Variants in PXMP2 observed in about 807,000 individuals in gnomAD.
PXMP2 encodes the protein 22 kDa peroxisomal membrane protein.
In PXMP2, 13 loss-of-function variants were observed where a neutral mutation model predicts 20.2. That is an observed-to-expected ratio of 0.64 (90% CI 0.42 to 1.02). The LOEUF (loss-of-function observed/expected upper bound fraction) is 1.02. Ranked by LOEUF, PXMP2 falls within the 50% of genes least tolerant of loss-of-function variation. The pLI is 0.00. For missense variants in PXMP2, 284 were observed against 251.8 expected, an observed-to-expected ratio of 1.13 and a Z score of -0.87; for synonymous variants, 113 against 111.2, an observed-to-expected ratio of 1.02 and a Z score of -0.10.
chr12:132,704,589 C>G (rs370935470), intron 4 of PXMP2, 30 bp from the exon 5 acceptor site: 4 of 1,405,600 alleles, frequency 2.8e-6, no homozygotes, highest in Non-Finnish European at 3.7e-6. Context: ...TCCCGCTGAC[C>G]GTGGCCTGTT....
chr12:132,702,440 A>G, intron 4 of PXMP2: 1 of 377,274 alleles, frequency 2.7e-6, no homozygotes, highest in Non-Finnish European at 5.3e-6. Context: ...CAGGGTCCCC[A>G]GGACCACTCC....
At chr12:132,694,495 G>T (rs1205611605) in intron 2 of PXMP2, among the ~76,000 whole-genome samples, 6 of 81,128 alleles carry the variant, frequency 7.4e-5, no homozygotes, top group African/African-American at 1.2e-4. Context: ...GTTAGTGAGC[G>T]CCCTTGCCAG....
Position 132,701,216 on chromosome 12 carries a change from A to C in PXMP2, c.400-34A>C, listed in dbSNP as rs749771525. 1.2e-5 allele frequency: 20 copies of C among 1,612,686 alleles called. No individual in the cohort carries two copies. The African/African-American group carries it at 1.9e-4, about 15-fold the overall frequency. On this transcript the variant is annotated intron_variant, in intron 3 of 4. Coordinates refer to ENST00000317479, the MANE Select transcript of PXMP2 (RefSeq NM_018663.3). ...CGGAATTCAGTTCTGATGGGCAGTG[A>C]GACTGTTCACCACCCGCCTTCCCTC...
chr12:132,694,963 T>TGCCAGTTAGTTAGTGAGCTCCCTTA (rs1565991636), intron 2 of PXMP2, among the ~76,000 whole-genome samples: 1 of 56,282 alleles, frequency 1.8e-5, no homozygotes, highest in Non-Finnish European at 6.0e-5. Context: ...TGAGCTCCCT[T>TGCCAGTTAGTTAGTGAGCTCCCTTA]GCCAGTTAGT....
intron 1 of PXMP2, chr12:132,688,063 GA>G (rs2043321165): frequency 1.8e-5 from 4 of 219,956 alleles, no homozygotes; most frequent in South Asian, 1.8e-4. Flanking sequence ...TCCACCCAAG[GA>G]CCCAACAGGG....
Position 132,704,602 on chromosome 12 carries a change from A to G in PXMP2, c.520-17A>G, listed in dbSNP as rs1365373933. The stretch of plus-strand genomic sequence containing the variant: ...CCTCCCGCTGACCGTGGCCTGTTGG[A>G]CTGTTCTTTTCGGCAGTTCCGGGTG... On this transcript the variant is annotated splice_polypyrimidine_tract_variant and intron_variant, in intron 4 of 4. Coordinates refer to ENST00000317479, the MANE Select transcript of PXMP2 (RefSeq NM_018663.3). 7.0e-7 allele frequency: 1 copy of G among 1,431,772 alleles called. No individual in the cohort carries two copies. The highest frequency in any genetic ancestry group is 9.2e-7 in the Non-Finnish European group (1 of 1,086,396). The allele number at this position is 1,431,772 out of a possible 1,614,324, so 88.7% of individuals were successfully genotyped here.
At chr12:132,694,339 C>T (rs1364078389) in intron 2 of PXMP2, among the ~76,000 whole-genome samples, 11 of 83,828 alleles carry the variant, frequency 1.3e-4, no homozygotes, top group Non-Finnish European at 1.3e-4. Context: ...AGTTAGTGAG[C>T]GCCCTTGCCA....
At chr12:132,703,553 G>A (rs938111694) in intron 4 of PXMP2, among the ~76,000 whole-genome samples, 6 of 152,342 alleles carry the variant, frequency 3.9e-5, no homozygotes, top group African/African-American at 1.4e-4. Flanking sequence ...TGAGCGGACA[G>A]GAGAGTGGGA....
At chr12:132,689,328 GGAAGGTGTTTTGA>G (rs1565989248) in intron 1 of PXMP2, among the ~76,000 whole-genome samples, 3 of 152,286 alleles carry the variant, frequency 2.0e-5, no homozygotes, top group Admixed American at 2.0e-4. Flanking sequence ...ACACGGCCAG[GGAAGGTGTTTTGA>G]GAAGGTGACA....
At chr12:132,701,450 C>G (rs534119294) in intron 4 of PXMP2, 81 bp downstream of exon 4, 13 of 1,498,076 alleles carry the variant, frequency 8.7e-6, no homozygotes, top group African/African-American at 5.8e-5. Context: ...TTTCCTCCCC[C>G]CCTCCCTCCC....
chr12:132,696,102 A>G lies in PXMP2; in HGVS notation c.399+56A>G, dbSNP rs1593107135. The stretch of plus-strand genomic sequence containing the variant: ...TCTTCGTTTAGCACAGGGATTCTTC[A>G]CCTGACATTCTCGGCAGAATTCAGA... On this transcript the variant is annotated intron_variant, in intron 3 of 4. Coordinates refer to ENST00000317479, the MANE Select transcript of PXMP2 (RefSeq NM_018663.3). The surrounding 1 kb of genome is among the most constrained non-coding windows in gnomAD (Gnocchi z 4.4). 6.7e-7 allele frequency: 1 copy of G among 1,487,964 alleles called. No individual in the cohort carries two copies. Among genetic ancestry groups the G allele is most frequent in the Non-Finnish European group, 9.0e-7 (1 of 1,106,878 alleles). The allele number at this position is 1,487,964 out of a possible 1,614,324, so 92.2% of individuals were successfully genotyped here.
rs1402524508 is a variant in PXMP2, at chr12:132,695,930, G to T, written c.283G>T (p.Glu95Ter). The T allele has an allele frequency of 5.0e-6, 8 of 1,611,046 alleles. No individual in the cohort carries two copies. The highest frequency in any genetic ancestry group is 2.2e-5 in the South Asian group (2 of 89,992). Residue 95 changes from glutamate to a stop codon, truncating the protein, a stop_gained, in exon 3 of 5, where the codon GAA becomes TAA. Coordinates refer to ENST00000317479, the MANE Select transcript of PXMP2 (RefSeq NM_018663.3). LOFTEE classifies it high-confidence loss of function. Reference sequence around the variant, plus strand: ...GAGTCACTTCTTCTACTTCTTCATGGAACATTGGATCCCTCCTGAGGTCCC... The same window carrying T: ...GAGTCACTTCTTCTACTTCTTCATGTAACATTGGATCCCTCCTGAGGTCCC... ...PLSHFFYFFMEHWIPPEVPLA... is the reference protein window; with the variant it reads ...PLSHFFYFFM
chr12:132,701,241 C>G lies in PXMP2; in HGVS notation c.400-9C>G, dbSNP rs1208769126. ...AGACTGTTCACCACCCGCCTTCCCT[C>G]CTTTGCAGGGGAAAGACGCCTCAGC... is the stretch of plus-strand genomic sequence containing the variant. On this transcript the variant is annotated splice_polypyrimidine_tract_variant and intron_variant, in intron 3 of 4. Transcript: ENST00000317479. 2 of 1,613,758 alleles carry G rather than the reference C, an allele frequency of 1.2e-6. No homozygotes were observed. The highest frequency in any genetic ancestry group is 2.2e-5 in the South Asian group (2 of 91,058).
In PXMP2 at chr12:132,687,682, CGCGTCCAGGCT is replaced by C. The variant is rs1310265965; in HGVS notation, c.16_26del (p.Ser6GlyfsTer47). ...GCGCTGGGGAGGCGATGGCGCCGGCCGCGTCCAGGCTGCGGGCCGAAGCCGGGCTCGGGGCG... is the reference window on the plus strand; with the variant it reads ...GCGCTGGGGAGGCGATGGCGCCGGCCGCGGGCCGAAGCCGGGCTCGGGGCG... On this transcript the variant is annotated frameshift_variant, in exon 1 of 5. Transcript: ENST00000317479. LOFTEE classifies it high-confidence loss of function. 2.6e-6 allele frequency: 3 copies of C among 1,175,860 alleles called. No individual in the cohort carries two copies. The highest frequency in any genetic ancestry group is 9.4e-5 in the Admixed American group (2 of 21,178). The allele number at this position is 1,175,860 out of a possible 1,614,324, so 72.8% of individuals were successfully genotyped here. A position where few individuals can be genotyped will look rare whatever the true frequency, so the allele number is the denominator to read the frequency against.
chr12:132,699,462 T>C (rs989346156), intron 3 of PXMP2, among the ~76,000 whole-genome samples: 10 of 151,628 alleles, frequency 6.6e-5, no homozygotes, highest in African/African-American at 1.9e-4. Flanking sequence ...TGACTTTCCA[T>C]TGGTGAGTTG....
Position 132,704,919 on chromosome 12 carries a change from G to A in PXMP2, c.*232G>A, listed in dbSNP as rs2043462953. ...TGCCCCAGAAACTTAAAATTTAGTC[G>A]AGGCAGTTTCAATTGTTACTGTGGA... On this transcript the variant is annotated 3_prime_UTR_variant, in exon 5 of 5. Transcript: ENST00000317479. The A allele has an allele frequency of 3.7e-6, 2 of 545,172 alleles. No individual in the cohort carries two copies. The highest frequency in any genetic ancestry group is 3.5e-5 in the Admixed American group (1 of 28,236). 33.8% of individuals were successfully genotyped at this position (545,172 alleles called of 1,614,324 possible). A position where few individuals can be genotyped will look rare whatever the true frequency, so the allele number is the denominator to read the frequency against.
At chr12:132,697,334 AT>A (rs2043416013) in intron 3 of PXMP2, among the ~76,000 whole-genome samples, 1 of 151,148 alleles carries the variant, frequency 6.6e-6, no homozygotes, top group African/African-American at 2.4e-5. Flanking sequence ...GTCTGTCAAA[AT>A]TTTTTCTGAA....
intron 2 of PXMP2, among the ~76,000 whole-genome samples, chr12:132,694,365 T>TA (rs370929576): frequency 1.5e-5 from 1 of 65,918 alleles, no homozygotes; most frequent in African/African-American, 5.2e-5. Flanking sequence ...TGAGCGCCCT[T>TA]GCCAGTTAGT....
At chr12:132,695,014 G>A (rs2043402610) in intron 2 of PXMP2, among the ~76,000 whole-genome samples, 1 of 123,512 alleles carries the variant, frequency 8.1e-6, no homozygotes, top group Non-Finnish European at 1.8e-5. Context: ...AGCTCCCTTA[G>A]CCAGTTAGTT....
Sources: allele counts gnomAD v4.1 joint callset (sites outside exome capture counted in the v4.1 genomes callset), GRCh38; gene constraint gnomAD v4.1.1; non-coding constraint Gnocchi (gnomAD v3.1); transcripts MANE v1.5; gene names NCBI Gene and HGNC (gene_info 2026-07-23, HGNC 2026-07-21).